Variants in HEMK2 observed in about 807,000 individuals in gnomAD.
HEMK2 encodes methyltransferase HEMK2.
At chr21:28,865,387 G>C in the HEMK2 span, among the ~76,000 whole-genome samples, 1 of 152,090 alleles carries the variant, frequency 6.6e-6, no homozygotes, top group African/African-American at 2.4e-5. Flanking sequence ...GCTGGGTCTC[G>C]GACTCCTGGC....
At chr21:28,786,896 CCAT>C in the HEMK2 span, among the ~76,000 whole-genome samples, 1 of 152,048 alleles carries the variant, frequency 6.6e-6, no homozygotes, top group African/African-American at 2.4e-5. Flanking sequence ...CAAAATACCA[CCAT>C]CATTCTTCAC....
chr21:28,880,537 G>T, the HEMK2 span, among the ~76,000 whole-genome samples: 2 of 152,100 alleles, frequency 1.3e-5, no homozygotes, highest in Admixed American at 6.5e-5. Flanking sequence ...TTCGAGACCA[G>T]CCTCGCCAAC....
chr21:28,716,911 G>A, the HEMK2 span, among the ~76,000 whole-genome samples: 2 of 152,116 alleles, frequency 1.3e-5, no homozygotes, highest in Admixed American at 1.3e-4. Context: ...GTTGTGTGGT[G>A]AATCACATTT....
the HEMK2 span, among the ~76,000 whole-genome samples, chr21:28,838,986 T>A: frequency 3.6e-4 from 24 of 67,318 alleles, no homozygotes; most frequent in East Asian, 5.4e-4. Context: ...TATATATATA[T>A]ATATATATAT....
chr21:28,642,080 T>C, the HEMK2 span, among the ~76,000 whole-genome samples: 66 of 152,292 alleles, frequency 4.3e-4, no homozygotes, highest in African/African-American at 1.5e-3. Flanking sequence ...AGAAATTTGA[T>C]GTTGAAAAAG....
the HEMK2 span, among the ~76,000 whole-genome samples, chr21:28,797,521 G>A: frequency 0.015 from 2,281 of 152,094 alleles, 57 homozygotes; most frequent in African/African-American, 0.051. Context: ...AGGCTGAGGT[G>A]GGAGAATCGC....
chr21:28,868,851 G>A, the HEMK2 span, among the ~76,000 whole-genome samples: 8 of 152,106 alleles, frequency 5.3e-5, no homozygotes. Flanking sequence ...TGTTATTACA[G>A]GCAACCACTT....
the HEMK2 span, among the ~76,000 whole-genome samples, chr21:28,599,584 A>G: frequency 1.3e-5 from 2 of 152,162 alleles, no homozygotes; most frequent in Non-Finnish European, 2.9e-5. Context: ...AAACCATTTC[A>G]TTCTGCCCAT....
chr21:28,654,956 G>A, the HEMK2 span, among the ~76,000 whole-genome samples: 3 of 151,914 alleles, frequency 2.0e-5, no homozygotes, highest in Non-Finnish European at 4.4e-5. Flanking sequence ...TGCTGAAAAT[G>A]TTGTCTTTTA....
chr21:28,646,163 T>C, the HEMK2 span, among the ~76,000 whole-genome samples: 1 of 152,214 alleles, frequency 6.6e-6, no homozygotes, highest in Non-Finnish European at 1.5e-5. Flanking sequence ...TTGATGTCTG[T>C]ATGTTATCAT....
chr21:28,865,940 A>C, the HEMK2 span, among the ~76,000 whole-genome samples: 1 of 151,308 alleles, frequency 6.6e-6, no homozygotes, highest in South Asian at 2.1e-4. Flanking sequence ...ACACGGTCTC[A>C]CTCTGTCACC....
At chr21:28,745,832 C>G in the HEMK2 span, among the ~76,000 whole-genome samples, 1 of 152,204 alleles carries the variant, frequency 6.6e-6, no homozygotes, top group Non-Finnish European at 1.5e-5. Context: ...CCTATCCCAG[C>G]ATGTATACAA....
chr21:28,667,528 C>T, the HEMK2 span, among the ~76,000 whole-genome samples: 7 of 152,158 alleles, frequency 4.6e-5, no homozygotes, highest in Non-Finnish European at 8.8e-5. Flanking sequence ...AGGTGGAAAT[C>T]AGACTGCTTT....
chr21:28,781,112 C>A, the HEMK2 span, among the ~76,000 whole-genome samples: 2,115 of 152,122 alleles, frequency 0.014, 26 homozygotes, highest in Middle Eastern at 0.024. Flanking sequence ...TTTTCAAAGC[C>A]TCTATCTCAA....
the HEMK2 span, among the ~76,000 whole-genome samples, chr21:28,673,100 A>G: frequency 5.0e-4 from 76 of 151,468 alleles, no homozygotes; most frequent in South Asian, 1.1e-3. Flanking sequence ...GGAAGGAAGA[A>G]AGAAAGGAAG....
the HEMK2 span, among the ~76,000 whole-genome samples, chr21:28,673,189 GAGAA>G: frequency 6.6e-6 from 1 of 151,392 alleles, no homozygotes; most frequent in Non-Finnish European, 1.5e-5. Context: ...GGGGAAGGGA[GAGAA>G]AGAAAAACAG....
At chr21:28,789,563 T>G in the HEMK2 span, among the ~76,000 whole-genome samples, 4 of 152,244 alleles carry the variant, frequency 2.6e-5, no homozygotes, top group African/African-American at 9.6e-5. Context: ...CATTGCTAAC[T>G]AATGCCTTGG....
chr21:28,854,481 T>C, the HEMK2 span, among the ~76,000 whole-genome samples: 1 of 151,722 alleles, frequency 6.6e-6, no homozygotes, highest in Non-Finnish European at 1.5e-5. Context: ...CAGAATGGAA[T>C]AGATATATCT....
chr21:28,705,598 C>A, the HEMK2 span, among the ~76,000 whole-genome samples: 4 of 152,134 alleles, frequency 2.6e-5, no homozygotes, highest in Non-Finnish European at 4.4e-5. Flanking sequence ...ACTTCAAAGA[C>A]TCTGCTGTAT....
Sources: gnomAD v4.1 joint callset for allele counts (sites outside exome capture counted in the v4.1 genomes callset) on GRCh38, gnomAD v4.1.1 for gene constraint, MANE v1.5 for transcripts, NCBI Gene and HGNC (gene_info 2026-07-23, HGNC 2026-07-21) for gene names.